Variants in FRMPD1 observed in about 807,000 individuals in gnomAD.
FRMPD1 encodes the protein FERM and PDZ domain containing 1, also known as FERM and PDZ domain-containing protein 1.
In FRMPD1, 76 loss-of-function variants were observed where a neutral mutation model predicts 117.8. The ratio of observed to expected loss-of-function variants is 0.65; its 90% CI spans 0.54 to 0.78. The LOEUF is 0.78. FRMPD1 is among the 30% of genes least tolerant of loss of function. The pLI is 0.00. For synonymous variants in FRMPD1, 783 were observed against 770.4 expected, an observed-to-expected ratio of 1.02 and a Z score of -0.27; for missense variants, 1,786 against 1,964.5, an observed-to-expected ratio of 0.91 and a Z score of 1.72.
At chr9:37,612,038 C>T in the FRMPD1 span, among the ~76,000 whole-genome samples, 3 of 152,202 alleles carry the variant, frequency 2.0e-5, no homozygotes, top group African/African-American at 7.2e-5. Context: ...GGTCCCAGCA[C>T]CTATGCAAAA....
At chr9:37,721,097 C>G (rs975034621) in intron 6 of FRMPD1, among the ~76,000 whole-genome samples, 1 of 152,204 alleles carries the variant, frequency 6.6e-6, no homozygotes, top group African/African-American at 2.4e-5. Flanking sequence ...GAACAACTTT[C>G]ACCTGAACTG....
chr9:37,722,533 G>T (rs542059007), intron 6 of FRMPD1, among the ~76,000 whole-genome samples: 31 of 152,230 alleles, frequency 2.0e-4, no homozygotes, highest in African/African-American at 6.3e-4. Context: ...TCAGCCTCCA[G>T]TGTAGCTGGG....
At chr9:37,690,756 T>A (rs1018246934) in intron 1 of FRMPD1, among the ~76,000 whole-genome samples, 2 of 152,186 alleles carry the variant, frequency 1.3e-5, no homozygotes, top group Non-Finnish European at 2.9e-5. Context: ...GGGTAATTTA[T>A]GAAGAAAAGA....
the FRMPD1 span, chr9:37,636,992 T>C: frequency 6.4e-7 from 1 of 1,574,442 alleles, no homozygotes; most frequent in Non-Finnish European, 8.7e-7. Context: ...CTGCAGCCAC[T>C]GCTTCACGTT....
the FRMPD1 span, among the ~76,000 whole-genome samples, chr9:37,626,483 C>T: frequency 5.9e-5 from 7 of 118,876 alleles, no homozygotes; most frequent in African/African-American, 2.0e-4. Flanking sequence ...CCAGCCTGGA[C>T]GACAGAGACT....
chr9:37,608,918 A>G, the FRMPD1 span, among the ~76,000 whole-genome samples: 1 of 152,214 alleles, frequency 6.6e-6, no homozygotes, highest in Admixed American at 6.5e-5. Context: ...ACAGATGAAT[A>G]TTATTACAGT....
At chr9:37,616,117 C>CTT in the FRMPD1 span, among the ~76,000 whole-genome samples, 1,806 of 96,732 alleles carry the variant, frequency 0.019, 75 homozygotes, top group African/African-American at 0.052. Flanking sequence ...GTGCCCAGCC[C>CTT]TTTTTTTTTT....
At chr9:37,689,491 C>A (rs1273778607) in intron 1 of FRMPD1, among the ~76,000 whole-genome samples, 1 of 152,144 alleles carries the variant, frequency 6.6e-6, no homozygotes, top group African/African-American at 2.4e-5. Context: ...TTATCCATTT[C>A]TATTTCTTTT....
chr9:37,712,588 T>A (rs897127618), intron 5 of FRMPD1, among the ~76,000 whole-genome samples: 2 of 152,204 alleles, frequency 1.3e-5, no homozygotes, highest in African/African-American at 4.8e-5. Context: ...ACTCCTGACC[T>A]CAGGTGATCC....
At chr9:37,611,434 T>A in the FRMPD1 span, among the ~76,000 whole-genome samples, 1 of 152,236 alleles carries the variant, frequency 6.6e-6, no homozygotes, top group Non-Finnish European at 1.5e-5. Flanking sequence ...CTTGAAGATC[T>A]AATATAAAGA....
the FRMPD1 span, among the ~76,000 whole-genome samples, chr9:37,645,086 G>A: frequency 7.0e-6 from 1 of 143,336 alleles, no homozygotes; most frequent in East Asian, 2.2e-4. Context: ...GATCTCCCAG[G>A]AGCTGAGCCA....
intron 1 of FRMPD1, among the ~76,000 whole-genome samples, chr9:37,658,962 C>G (rs1215325411): frequency 6.6e-6 from 1 of 152,076 alleles, no homozygotes; most frequent in African/African-American, 2.4e-5. Context: ...ATCTCCTGGG[C>G]TCAAGTGATC....
the FRMPD1 span, among the ~76,000 whole-genome samples, chr9:37,611,261 C>T: frequency 2.0e-5 from 3 of 152,166 alleles, no homozygotes; most frequent in Non-Finnish European, 4.4e-5. Flanking sequence ...AGGTTAGAAG[C>T]TCTTAACCTT....
At chr9:37,622,146 C>T in the FRMPD1 span, among the ~76,000 whole-genome samples, 1 of 152,162 alleles carries the variant, frequency 6.6e-6, no homozygotes, top group Non-Finnish European at 1.5e-5. Flanking sequence ...GGGAGATTTC[C>T]TTAGAAGGAG....
At chr9:37,717,369 G>GTGTGTGTGTGTGTA (rs1407798527) in intron 5 of FRMPD1, among the ~76,000 whole-genome samples, 9 of 94,132 alleles carry the variant, frequency 9.6e-5, no homozygotes, top group Non-Finnish European at 1.5e-4. Flanking sequence ...GTGTGTGTGT[G>GTGTGTGTGTGTGTA]TATATATATA....
At position 37,745,104 on chromosome 9, in the gene FRMPD1, A is replaced by T; in HGVS notation, c.3072A>T (p.Arg1024Ser). The change falls in exon 16 of 16, where the codon AGA becomes AGT. Residue 1024 changes from arginine to serine, a missense_variant. Physicochemically the swap from Arg to Ser is moderately radical, Grantham distance 110. Coordinates refer to ENST00000377765, the MANE Select transcript of FRMPD1 (RefSeq NM_014907.3). Reference protein sequence around the residue: ...SLSSGDPNPDRACLASNPGLN... With the variant: ...SLSSGDPNPDSACLASNPGLN... The stretch of plus-strand genomic sequence containing the variant: ...CCAGTGGTGACCCTAACCCAGACAG[A>T]GCCTGCCTGGCCAGCAACCCAGGAC... 6.2e-7 allele frequency: 1 copy of T among 1,613,804 alleles called. No individual in the cohort carries two copies. Among genetic ancestry groups the T allele is most frequent in the East Asian group, 2.2e-5 (1 of 44,882 alleles).
At chr9:37,657,755 A>G (rs1428700998) in intron 1 of FRMPD1, among the ~76,000 whole-genome samples, 1 of 152,158 alleles carries the variant, frequency 6.6e-6, no homozygotes, top group African/African-American at 2.4e-5. Context: ...AGATTCACAC[A>G]TATGTTTCCA....
At chr9:37,729,586 T>G in intron 7 of FRMPD1, 142 bp from the exon 8 acceptor site, 1 of 788,584 alleles carries the variant, frequency 1.3e-6, no homozygotes. Context: ...GCCTGATGAG[T>G]GGGACCAGAC....
chr9:37,631,747 GC>G, the FRMPD1 span, among the ~76,000 whole-genome samples: 1 of 152,086 alleles, frequency 6.6e-6, no homozygotes, highest in African/African-American at 2.4e-5. Flanking sequence ...GGGACTGCAG[GC>G]GCATGCCACC....
Sources: gnomAD v4.1 joint callset for allele counts (sites outside exome capture counted in the v4.1 genomes callset) on GRCh38, gnomAD v4.1.1 for gene constraint, MANE v1.5 for transcripts, NCBI Gene and HGNC (gene_info 2026-07-23, HGNC 2026-07-21) for gene names.